ARID1B: variants seen among roughly 807,000 people sequenced by gnomAD.
ARID1B encodes AT-rich interaction domain 1B.
A neutral mutation model predicts 212.3 loss-of-function variants in ARID1B; 30 were observed. That is an observed-to-expected ratio of 0.14 (90% CI 0.11 to 0.19). The LOEUF is 0.19. ARID1B is among the 10% of genes least tolerant of loss of function. The pLI is 1.00. For missense variants in ARID1B, 2,891 were observed against 3,204.0 expected, an observed-to-expected ratio of 0.90 and a Z score of 2.36; for synonymous variants, 1,402 against 1,301.7, an observed-to-expected ratio of 1.08 and a Z score of -1.66.
At chr6:156,964,511 G>A (rs942714228) in intron 4 of ARID1B, among the ~76,000 whole-genome samples, 13 of 152,294 alleles carry the variant, frequency 8.5e-5, no homozygotes, top group African/African-American at 2.6e-4. Context: ...GGGAAAATCA[G>A]GATAGGATTA....
chr6:157,162,824 C>T (rs187227100), intron 8 of ARID1B, among the ~76,000 whole-genome samples: 62 of 152,284 alleles, frequency 4.1e-4, no homozygotes, highest in African/African-American at 1.5e-3. Flanking sequence ...CCACAGTGTG[C>T]ATCTACCGAA....
At chr6:157,019,328 G>T (rs1780088336) in intron 4 of ARID1B, among the ~76,000 whole-genome samples, 1 of 152,166 alleles carries the variant, frequency 6.6e-6, no homozygotes, top group South Asian at 2.1e-4. Context: ...TGTATTTCAG[G>T]AATGGTCAGA....
intron 4 of ARID1B, among the ~76,000 whole-genome samples, chr6:156,982,832 C>T (rs1777686595): frequency 6.6e-6 from 1 of 152,076 alleles, no homozygotes. Flanking sequence ...CTATTCCTTG[C>T]ATTATCTGTT....
chr6:156,902,384 T>C (rs990353470), intron 3 of ARID1B, among the ~76,000 whole-genome samples: 2 of 152,192 alleles, frequency 1.3e-5, no homozygotes, highest in African/African-American at 4.8e-5. Context: ...GGTGAACACA[T>C]GTAGCATCGA....
At chr6:156,783,564 G>A (rs953912532) in intron 1 of ARID1B, among the ~76,000 whole-genome samples, 1 of 152,186 alleles carries the variant, frequency 6.6e-6, no homozygotes, top group East Asian at 1.9e-4. Flanking sequence ...GACTTCTGAT[G>A]TAATAGGAAC....
chr6:157,166,917 C>T (rs952231653), intron 8 of ARID1B, 123 bp from the exon 9 acceptor site: 122 of 1,346,724 alleles, frequency 9.1e-5, no homozygotes, highest in Middle Eastern at 3.8e-4. Flanking sequence ...ATCTGTTTTA[C>T]ACAAACATGA....
chr6:157,114,881 T>G (rs1253999030), intron 6 of ARID1B, among the ~76,000 whole-genome samples: 3 of 152,346 alleles, frequency 2.0e-5, no homozygotes, highest in African/African-American at 7.2e-5. Flanking sequence ...GCAGTGATGC[T>G]GGCAACACTG....
intron 4 of ARID1B, among the ~76,000 whole-genome samples, chr6:157,054,994 C>T (rs1352859208): frequency 1.3e-5 from 2 of 152,174 alleles, no homozygotes; most frequent in Non-Finnish European, 2.9e-5. Flanking sequence ...TAACTTGTAG[C>T]ATAAACCTGC....
chr6:156,970,684 T>A (rs1419677558), intron 4 of ARID1B, among the ~76,000 whole-genome samples: 1 of 152,256 alleles, frequency 6.6e-6, no homozygotes, highest in African/African-American at 2.4e-5. Flanking sequence ...GGAAAAGGAA[T>A]GCTTCAGTGC....
Position 157,201,003 on chromosome 6 carries a change from A to T in ARID1B, c.4778A>T (p.Asp1593Val), listed in dbSNP as rs748759595. 6.2e-7 allele frequency: 1 copy of T among 1,614,126 alleles called. No individual in the cohort carries two copies. Among genetic ancestry groups the T allele is most frequent in the South Asian group, 1.1e-5 (1 of 91,084 alleles). Residue 1593 changes from aspartate to valine, a missense_variant, in exon 18 of 20, where the codon GAT (aspartate) becomes GTT (valine). Coordinates refer to ENST00000636930, the MANE Select transcript of ARID1B (RefSeq NM_001374828.1). This position sits in a 1 kb window ranked among gnomAD's most constrained non-coding sequence, Gnocchi z 5.2. ...CAGAATATGTGGGCAGCACGCAATG[A>T]TATGCCTTATCCCTACCAGAACAGG... ...PQQNMWAARN[D>V]MPYPYQNRQG...
In ARID1B at chr6:156,778,066, C is replaced by T. The variant is rs2114961014; in HGVS notation, c.386C>T (p.Ala129Val). ...TCCTCCTCCTCCGCGGCGGCAGCGGCGGCATCCTCTTCCTCCTCGTCGGGC... is the reference window on the plus strand; with the variant it reads ...TCCTCCTCCTCCGCGGCGGCAGCGGTGGCATCCTCTTCCTCCTCGTCGGGC... Reference protein sequence around the residue: ...SSSSSSAAAAAASSSSSSGPG... With the variant: ...SSSSSSAAAAVASSSSSSGPG... The change falls in exon 1 of 20, where the codon GCG becomes GTG. Residue 129 changes from alanine (A) to valine (V), a missense_variant. Ala to Val is a moderately conservative substitution (Grantham distance 64). This residue lies in a region of ARID1B where 1,643 missense variants were observed against 1,544.0 expected (regional missense o/e 1.06). Coordinates refer to ENST00000636930, the MANE Select transcript of ARID1B (RefSeq NM_001374828.1). The T allele has an allele frequency of 1.9e-6, 3 of 1,538,758 alleles. No individual in the cohort carries two copies. Among genetic ancestry groups the T allele is most frequent in the South Asian group, 1.2e-5 (1 of 83,970 alleles).
At chr6:157,007,335 T>C (rs1010386475) in intron 4 of ARID1B, among the ~76,000 whole-genome samples, 2 of 152,256 alleles carry the variant, frequency 1.3e-5, no homozygotes, top group African/African-American at 4.8e-5. Flanking sequence ...ATTACTTTCA[T>C]AATGAAGAGA....
At chr6:157,143,668 G>A (rs1437946889) in intron 7 of ARID1B, among the ~76,000 whole-genome samples, 1 of 152,280 alleles carries the variant, frequency 6.6e-6, no homozygotes, top group South Asian at 2.1e-4. Context: ...ACGCTGCTAG[G>A]GAGTGTCAGA....
In ARID1B at chr6:157,148,019, C is replaced by T. The variant is rs1789924592; in HGVS notation, c.2762-605C>T. Among the ~76,000 whole-genome samples, 1 of 149,052 alleles carries T rather than the reference C, an allele frequency of 6.7e-6. No individual in the cohort carries two copies. Among genetic ancestry groups the T allele is most frequent in the Non-Finnish European group, 1.5e-5 (1 of 67,590 alleles). ...CCGAGATGTGGCAGCCAGCACAAAC[C>T]AGCTGCTCGATCTGGTACTCAAGCA... On this transcript the variant is annotated intron_variant, in intron 7 of 19. Transcript: ENST00000636930. The surrounding 1 kb of genome is among the most constrained non-coding windows in gnomAD (Gnocchi z 5.6).
chr6:157,020,345 G>A (rs1015673720), intron 4 of ARID1B, among the ~76,000 whole-genome samples: 3 of 152,166 alleles, frequency 2.0e-5, no homozygotes, highest in Non-Finnish European at 4.4e-5. Flanking sequence ...TGTAAGGGAT[G>A]TAATTTAAAC....
intron 5 of ARID1B, among the ~76,000 whole-genome samples, chr6:157,093,119 A>G (rs1785384086): frequency 2.0e-5 from 3 of 152,208 alleles, no homozygotes; most frequent in African/African-American, 7.2e-5. Flanking sequence ...GAGGGGTACA[A>G]AAGCTTTTAT....
chr6:157,115,222 G>C lies in ARID1B; in HGVS notation c.2581+4661G>C, dbSNP rs190869697. On this transcript the variant is annotated intron_variant, in intron 6 of 19. Transcript: ENST00000636930. ...ATTGTACACAGATGAAAATAACTGT[G>C]AGTTTCTACAGTTGATATTTTCTAT... 1.4e-4 allele frequency among the ~76,000 whole-genome samples: 22 copies of C among 152,286 alleles called. No homozygotes were observed. In the East Asian group the frequency reaches 3.1e-3, roughly 21 times the overall value.
intron 9 of ARID1B, chr6:157,172,842 C>A (rs142197505): frequency 6.6e-6 from 1 of 151,794 alleles, no homozygotes; most frequent in Non-Finnish European, 1.5e-5. Flanking sequence ...TACATGTGTC[C>A]CGCCTTGGTT....
intron 1 of ARID1B, among the ~76,000 whole-genome samples, chr6:156,802,969 T>G (rs571205359): frequency 1.3e-5 from 2 of 152,342 alleles, no homozygotes; most frequent in South Asian, 4.1e-4. Context: ...CTTATGCTAA[T>G]GCAGCTGATT....
Sources: allele counts gnomAD v4.1 joint callset (sites outside exome capture counted in the v4.1 genomes callset), GRCh38; gene constraint gnomAD v4.1.1; regional missense constraint gnomAD v4.1.1; non-coding constraint Gnocchi (gnomAD v3.1); transcripts MANE v1.5; gene names NCBI Gene and HGNC (gene_info 2026-07-23, HGNC 2026-07-21).